RBPMS: variants seen among roughly 807,000 people sequenced by gnomAD.
RBPMS encodes the protein RNA-binding protein with multiple splicing.
A neutral mutation model predicts 26.8 loss-of-function variants in RBPMS; 7 were observed. The observed-to-expected ratio is 0.26, with a 90% confidence interval of 0.15 to 0.49. RBPMS has a LOEUF of 0.49. RBPMS is among the 20% of genes least tolerant of loss of function. RBPMS has a pLI of 0.98. For missense variants in RBPMS, 186 were observed against 250.0 expected (o/e 0.74, Z 1.73); for synonymous variants, 96 against 93.3 (o/e 1.03, Z -0.17).
chr8:30,526,513 T>C (rs914114086), intron 5 of RBPMS, among the ~76,000 whole-genome samples: 1 of 152,240 alleles, frequency 6.6e-6, no homozygotes, highest in African/African-American at 2.4e-5. Flanking sequence ...TCCACTGAGA[T>C]AAATTTTCTA....
rs575875357 is a variant in RBPMS at position 30,463,799 on chromosome 8, A to G, written c.67-10980A>G. Among the ~76,000 whole-genome samples the G allele has an allele frequency of 7.9e-5, 12 of 152,304 alleles. No homozygotes were observed. In the South Asian group the frequency reaches 1.2e-3, roughly 16 times the overall value. ...CTGGATTTGAATCCCAGCAGACTCC[A>G]TGTGTTTTTGGTTGTTCTGTGAACC... On this transcript the variant is annotated intron_variant, in intron 1 of 8. Transcript: ENST00000397323.
chr8:30,418,561 A>T (rs1348985060), intron 1 of RBPMS, among the ~76,000 whole-genome samples: 1 of 151,970 alleles, frequency 6.6e-6, no homozygotes, highest in Non-Finnish European at 1.5e-5. Flanking sequence ...TTGATTTTGT[A>T]GGCACTCTTT....
intron 1 of RBPMS, among the ~76,000 whole-genome samples, chr8:30,390,989 G>A (rs1807726655): frequency 6.6e-6 from 1 of 152,204 alleles, no homozygotes; most frequent in Admixed American, 6.5e-5. Context: ...TCTGCACTGG[G>A]GAATTAGAAA....
At position 30,558,952 on chromosome 8, in the gene RBPMS, A is replaced by G; in HGVS notation, c.*3A>G. Reference sequence around the variant, plus strand: ...GGAAGTCCCGTCAGTTCTGCTGAATACTATGTAAGTACTCGCTTTCCTTTG... The same window carrying G: ...GGAAGTCCCGTCAGTTCTGCTGAATGCTATGTAAGTACTCGCTTTCCTTTG... On this transcript the variant is annotated 3_prime_UTR_variant, in exon 7 of 9. Coordinates refer to ENST00000397323, the MANE Select transcript of RBPMS (RefSeq NM_001008710.3). 1.9e-6 allele frequency: 3 copies of G among 1,613,596 alleles called. No homozygotes were observed. Among genetic ancestry groups the G allele is most frequent in the Non-Finnish European group, 2.5e-6 (3 of 1,179,594 alleles).
intron 6 of RBPMS, chr8:30,544,977 C>A: frequency 1.4e-6 from 2 of 1,453,670 alleles, no homozygotes; most frequent in Non-Finnish European, 1.8e-6. Flanking sequence ...GGAAGGGCTG[C>A]AGAGGAAGGT....
intron 4 of RBPMS, among the ~76,000 whole-genome samples, chr8:30,494,121 G>A (rs749046076): frequency 1.1e-4 from 16 of 152,280 alleles, no homozygotes; most frequent in Middle Eastern, 6.8e-3. Flanking sequence ...CTCAGACTGT[G>A]TGAACCAACA....
At chr8:30,547,478 T>C in intron 6 of RBPMS, 1 of 1,555,704 alleles carries the variant, frequency 6.4e-7, no homozygotes, top group Non-Finnish European at 8.6e-7. Flanking sequence ...TTGACGACCT[T>C]TGAGAGATTT....
At chr8:30,492,279 C>G (rs1819481326) in intron 4 of RBPMS, among the ~76,000 whole-genome samples, 1 of 152,190 alleles carries the variant, frequency 6.6e-6, no homozygotes, top group African/African-American at 2.4e-5. Context: ...GCATAAAGCA[C>G]TTTCACACAT....
At chr8:30,520,866 C>G (rs987925925) in intron 5 of RBPMS, among the ~76,000 whole-genome samples, 2 of 151,682 alleles carry the variant, frequency 1.3e-5, no homozygotes, top group African/African-American at 4.9e-5. Context: ...TGATTAGGAA[C>G]TACAGTAGAA....
intron 8 of RBPMS, 38 bp from the exon 9 acceptor site, chr8:30,570,599 G>C (rs1828206448): frequency 6.5e-6 from 1 of 152,694 alleles, no homozygotes; most frequent in Non-Finnish European, 1.5e-5. Flanking sequence ...GGGAGGGGTT[G>C]ACACCTGCTC....
intron 5 of RBPMS, 27 bp from the exon 6 acceptor site, chr8:30,544,467 A>G (rs759123089): frequency 6.2e-7 from 1 of 1,608,574 alleles, no homozygotes; most frequent in Admixed American, 1.7e-5. Context: ...GGTAACCACT[A>G]ACTCTCGCCT....
At chr8:30,526,202 C>T (rs920291844) in intron 5 of RBPMS, among the ~76,000 whole-genome samples, 3 of 152,212 alleles carry the variant, frequency 2.0e-5, no homozygotes, top group Non-Finnish European at 2.9e-5. Flanking sequence ...TCCAACAATA[C>T]TCAGCTCTGG....
intron 6 of RBPMS, among the ~76,000 whole-genome samples, chr8:30,548,138 A>G (rs1826013159): frequency 6.6e-6 from 1 of 152,244 alleles, no homozygotes; most frequent in African/African-American, 2.4e-5. Context: ...GTGATCATCC[A>G]GTTTACTTTC....
rs141778772 is a variant in RBPMS at position 30,385,719 on chromosome 8, G to C, written c.66+561G>C. Among the ~76,000 whole-genome samples, 349 of 152,280 alleles carry C rather than the reference G, an allele frequency of 2.3e-3. 1 individual carries two copies. The highest frequency in any genetic ancestry group is 8.0e-3 in the African/African-American group (332 of 41,566). ...TGAGTCAAAGACCCCGAGCCTGGGC[G>C]GTGAACGCTTGTGATTTTAGGGGCC... On this transcript the variant is annotated intron_variant, in intron 1 of 8. Coordinates refer to ENST00000397323, the MANE Select transcript of RBPMS (RefSeq NM_001008710.3).
At chr8:30,426,239 G>T (rs1397820449) in intron 1 of RBPMS, among the ~76,000 whole-genome samples, 1 of 152,180 alleles carries the variant, frequency 6.6e-6, no homozygotes, top group Non-Finnish European at 1.5e-5. Flanking sequence ...AGATTCCGTG[G>T]TGATTATTTT....
intron 1 of RBPMS, among the ~76,000 whole-genome samples, chr8:30,465,799 A>G (rs1321989074): frequency 6.6e-6 from 1 of 152,212 alleles, no homozygotes; most frequent in Non-Finnish European, 1.5e-5. Context: ...AAAAGAAGAA[A>G]AAAGTCCTAT....
intron 5 of RBPMS, among the ~76,000 whole-genome samples, chr8:30,514,407 A>G (rs1483283117): frequency 6.6e-6 from 1 of 152,092 alleles, no homozygotes; most frequent in East Asian, 1.9e-4. Context: ...AAATTGTGAG[A>G]TGTGCCTGTC....
At chr8:30,510,546 G>T (rs1465394347) in intron 5 of RBPMS, among the ~76,000 whole-genome samples, 1 of 149,318 alleles carries the variant, frequency 6.7e-6, no homozygotes, top group African/African-American at 2.5e-5. Context: ...CTCCCAACCT[G>T]CTCCCCCTCC....
intron 1 of RBPMS, among the ~76,000 whole-genome samples, chr8:30,453,089 T>G (rs1014054661): frequency 6.6e-6 from 1 of 152,222 alleles, no homozygotes; most frequent in East Asian, 1.9e-4. Context: ...GCTGCCTATA[T>G]CCGCATCATT....
Sources: allele counts gnomAD v4.1 joint callset (sites outside exome capture counted in the v4.1 genomes callset), GRCh38; gene constraint gnomAD v4.1.1; transcripts MANE v1.5; gene names NCBI Gene and HGNC (gene_info 2026-07-23, HGNC 2026-07-21).